LIN9: variants seen among roughly 807,000 people sequenced by gnomAD.
The protein encoded by LIN9 is protein lin-9 homolog.
LIN9 carries 18 observed loss-of-function variants against 78.0 expected under a neutral mutation model. That is an observed-to-expected ratio of 0.23 (90% CI 0.16 to 0.34). The LOEUF is 0.34. Among genes scored for constraint, LIN9 ranks in the 10% least tolerant of loss-of-function variants. The pLI, the probability that LIN9 is intolerant of heterozygous loss-of-function variation, is 1.00. For missense variants in LIN9, 451 were observed against 644.1 expected (o/e 0.70, Z 3.25); for synonymous variants, 192 against 215.2 (o/e 0.89, Z 0.94).
chr1:226,249,034 T>C (rs1189609087), intron 11 of LIN9, among the ~76,000 whole-genome samples: 1 of 152,190 alleles, frequency 6.6e-6, no homozygotes, highest in Non-Finnish European at 1.5e-5. Flanking sequence ...AGGTCTCTAT[T>C]TGAAAGCAGA....
chr1:226,242,634 A>G (rs1486577279), intron 11 of LIN9, among the ~76,000 whole-genome samples: 1 of 152,208 alleles, frequency 6.6e-6, no homozygotes, highest in Non-Finnish European at 1.5e-5. Flanking sequence ...CATTACTTAT[A>G]TGCAGACTTT....
intron 11 of LIN9, among the ~76,000 whole-genome samples, chr1:226,249,128 G>A (rs1029601672): frequency 6.6e-6 from 1 of 152,126 alleles, no homozygotes; most frequent in Non-Finnish European, 1.5e-5. Context: ...ATATTAAAGG[G>A]AAATAATTCA....
intron 4 of LIN9, among the ~76,000 whole-genome samples, chr1:226,289,841 G>GA (rs1553283417): frequency 4.5e-5 from 3 of 66,544 alleles, no homozygotes; most frequent in Non-Finnish European, 6.5e-5. Context: ...CTCCGGGGGG[G>GA]GGGGTGGGGG....
At chr1:226,261,157 C>CA (rs1387909156) in intron 10 of LIN9, among the ~76,000 whole-genome samples, 1 of 149,684 alleles carries the variant, frequency 6.7e-6, no homozygotes, top group Non-Finnish European at 1.5e-5. Context: ...AAAAAATCTA[C>CA]AAAAAAACCT....
rs1657459560 is a variant in LIN9 at position 226,233,137 on chromosome 1, T to C, written c.1482A>G (p.Ser494=). The part of the protein sequence containing the change: ...NSFEFKSLTD[S]LNDIKSTIDA... ...CTATTGTACTCTTGATATCATTTAATGAGTCTGTAAGTGATTTGAATTCAA... is the reference window on the plus strand; with the variant it reads ...CTATTGTACTCTTGATATCATTTAACGAGTCTGTAAGTGATTTGAATTCAA... Residue 494 remains serine (S), a synonymous_variant, in exon 14 of 15, where the codon TCA becomes TCG. Coordinates refer to ENST00000681046, the MANE Select transcript of LIN9 (RefSeq NM_001366245.2). 6.2e-7 allele frequency: 1 copy of C among 1,608,460 alleles called. No homozygotes were observed.
intron 10 of LIN9, among the ~76,000 whole-genome samples, chr1:226,252,836 G>A (rs1658925225): frequency 6.6e-6 from 1 of 152,188 alleles, no homozygotes; most frequent in South Asian, 2.1e-4. Flanking sequence ...GCGTGGTGGT[G>A]GACACCTGTA....
At chr1:226,282,849 A>T (rs1356312702) in intron 6 of LIN9, among the ~76,000 whole-genome samples, 2 of 152,138 alleles carry the variant, frequency 1.3e-5, no homozygotes, top group Non-Finnish European at 2.9e-5. Context: ...AACAAAAAAA[A>T]CTGTATCTCA....
chr1:226,235,269 C>T (rs1469982459), intron 12 of LIN9, among the ~76,000 whole-genome samples: 1 of 138,676 alleles, frequency 7.2e-6, no homozygotes, highest in East Asian at 2.1e-4. Context: ...TTGCAGTGAA[C>T]CGAGATTGCG....
At chr1:226,266,469 ATTAT>A (rs1376721794) in intron 8 of LIN9, 137 bp from the exon 9 acceptor site, 1 of 518,718 alleles carries the variant, frequency 1.9e-6, no homozygotes, top group Admixed American at 4.2e-5. Context: ...TATATATTTA[ATTAT>A]TTATAGAGTA....
chr1:226,256,929 CAGT>C (rs1558168399), intron 10 of LIN9, among the ~76,000 whole-genome samples: 3 of 151,506 alleles, frequency 2.0e-5, no homozygotes, highest in African/African-American at 4.9e-5. Flanking sequence ...AATCTGTCGC[CAGT>C]AGGACTGCCT....
Position 226,233,378 on chromosome 1 carries a change from A to AT in LIN9, c.1390dup (p.Ile464AsnfsTer12). The AT allele has an allele frequency of 6.2e-7, 1 of 1,613,020 alleles. No homozygotes were observed. Among genetic ancestry groups the AT allele is most frequent in the Non-Finnish European group, 8.5e-7 (1 of 1,179,660 alleles). On this transcript the variant is annotated frameshift_variant, in exon 13 of 15. Transcript: ENST00000681046. LOFTEE classifies it high-confidence loss of function. Reference sequence around the variant, plus strand: ...TAACAAAATAGCTGTAAGCCTGGAAATTAAGTCTGTCAGATTTTCATTTTC... The same window carrying AT: ...TAACAAAATAGCTGTAAGCCTGGAAATTTAAGTCTGTCAGATTTTCATTTTC...
chr1:226,309,437 A>G (rs1272163397), upstream of LIN9: 2 of 1,032,740 alleles, frequency 1.9e-6, no homozygotes, highest in African/African-American at 3.5e-5. Flanking sequence ...CGGGGGGAGC[A>G]GTACCAGCTC....
At chr1:226,299,234 T>C (rs1284266457) in intron 2 of LIN9, among the ~76,000 whole-genome samples, 1 of 152,156 alleles carries the variant, frequency 6.6e-6, no homozygotes, top group African/African-American at 2.4e-5. Flanking sequence ...CCGGGTGCAG[T>C]GGCTCACATC....
intron 10 of LIN9, among the ~76,000 whole-genome samples, chr1:226,258,972 A>T (rs1366171996): frequency 4.1e-5 from 5 of 122,128 alleles, no homozygotes; most frequent in South Asian, 2.7e-4. Context: ...AGACATAATA[A>T]TTTTTTTTTT....
intron 7 of LIN9, among the ~76,000 whole-genome samples, chr1:226,270,812 A>G: frequency 7.1e-6 from 1 of 141,114 alleles, no homozygotes; most frequent in Non-Finnish European, 1.5e-5. Flanking sequence ...AAGACAGAGC[A>G]AGACTCTGTC....
chr1:226,268,133 A>G, intron 7 of LIN9, 43 bp from the exon 8 acceptor site: 1 of 1,584,572 alleles, frequency 6.3e-7, no homozygotes, highest in Non-Finnish European at 8.6e-7. Context: ...GGAGATACAA[A>G]GAATAGTCAA....
chr1:226,286,213 C>T, intron 6 of LIN9, 120 bp downstream of exon 6: 1 of 1,008,122 alleles, frequency 9.9e-7, no homozygotes, highest in Admixed American at 2.8e-5. Flanking sequence ...TACTACAGCC[C>T]TGAACCCCTG....
In LIN9 at chr1:226,266,251, G is replaced by T; in HGVS notation, c.898C>A (p.Arg300=). 1 of 1,599,660 alleles carries T rather than the reference G, an allele frequency of 6.3e-7. No individual in the cohort carries two copies. The highest frequency in any genetic ancestry group is 8.5e-7 in the Non-Finnish European group (1 of 1,170,716). The part of the protein sequence containing the change: ...RPSRFFMTPP[R]LHYTPPLQSP... Reference sequence around the variant, plus strand: ...TGGAGAGGAGGAGTATAATGTAACCGTGGTGGGGTCATAAAAAATCGAGAA... The same window carrying T: ...TGGAGAGGAGGAGTATAATGTAACCTTGGTGGGGTCATAAAAAATCGAGAA... Residue 300 remains arginine (R), a synonymous_variant, in exon 9 of 15, where the codon CGG becomes AGG. Coordinates refer to ENST00000681046, the MANE Select transcript of LIN9 (RefSeq NM_001366245.2).
At chr1:226,248,907 C>A (rs981034311) in intron 11 of LIN9, among the ~76,000 whole-genome samples, 2 of 152,166 alleles carry the variant, frequency 1.3e-5, no homozygotes, top group African/African-American at 2.4e-5. Flanking sequence ...AACTAGATTA[C>A]TTCTACAGAG....
Sources: allele counts gnomAD v4.1 joint callset (sites outside exome capture counted in the v4.1 genomes callset), GRCh38; gene constraint gnomAD v4.1.1; transcripts MANE v1.5; gene names NCBI Gene and HGNC (gene_info 2026-07-23, HGNC 2026-07-21).